Variants in RGS7 observed in about 807,000 individuals in gnomAD.
RGS7 encodes the protein regulator of G-protein signaling 7.
A neutral mutation model predicts 81.1 loss-of-function variants in RGS7; 27 were observed. The ratio of observed to expected loss-of-function variants is 0.33; its 90% CI spans 0.25 to 0.46. RGS7 has a LOEUF of 0.46. RGS7 is among the 20% of genes least tolerant of loss of function. RGS7 has a pLI of 1.00. For synonymous variants in RGS7, 208 were observed against 207.7 expected (o/e 1.00, Z -0.01); for missense variants, 396 against 607.4 (o/e 0.65, Z 3.66).
At chr1:241,107,082 C>T (rs2065171357) in intron 2 of RGS7, among the ~76,000 whole-genome samples, 1 of 152,168 alleles carries the variant, frequency 6.6e-6, no homozygotes, top group Non-Finnish European at 1.5e-5. Flanking sequence ...GGGATGTCTT[C>T]TGGAACTCGA....
At chr1:241,063,597 T>C (rs2061862350) in intron 3 of RGS7, among the ~76,000 whole-genome samples, 1 of 152,200 alleles carries the variant, frequency 6.6e-6, no homozygotes, top group African/African-American at 2.4e-5. Context: ...CATTTAAAAT[T>C]TCCTGCTTTC....
chr1:240,998,630 T>A (rs1687663801), intron 3 of RGS7: 10 of 936,612 alleles, frequency 1.1e-5, no homozygotes, highest in South Asian at 1.0e-4. Context: ...AGGCTCCCCA[T>A]GTTGACTTTG....
intron 6 of RGS7, among the ~76,000 whole-genome samples, chr1:240,892,388 C>A (rs776951718): frequency 6.6e-6 from 1 of 152,114 alleles, no homozygotes; most frequent in Non-Finnish European, 1.5e-5. Context: ...CACTTGACTG[C>A]AATTTCAAGC....
At chr1:240,934,752 G>A (rs1337461702) in intron 5 of RGS7, among the ~76,000 whole-genome samples, 1 of 151,532 alleles carries the variant, frequency 6.6e-6, no homozygotes, top group Non-Finnish European at 1.5e-5. Flanking sequence ...ACAACTCTCT[G>A]TCTATCCCTA....
intron 2 of RGS7, among the ~76,000 whole-genome samples, chr1:241,246,472 G>A (rs2148180257): frequency 6.6e-6 from 1 of 152,244 alleles, no homozygotes; most frequent in East Asian, 1.9e-4. Context: ...TACTGTCTGT[G>A]TTCCAATGGA....
chr1:241,277,632 A>T (rs905558222), intron 2 of RGS7, among the ~76,000 whole-genome samples: 1 of 151,886 alleles, frequency 6.6e-6, no homozygotes, highest in African/African-American at 2.4e-5. Context: ...AAAAAAAAAA[A>T]ATCAAGCATG....
At chr1:241,263,852 G>A (rs189125662) in intron 2 of RGS7, among the ~76,000 whole-genome samples, 3 of 152,268 alleles carry the variant, frequency 2.0e-5, no homozygotes, top group Admixed American at 1.3e-4. Context: ...CAGAAAGAGG[G>A]AACCAGGCCT....
chr1:241,207,975 C>T (rs187495922), intron 2 of RGS7, among the ~76,000 whole-genome samples: 2 of 152,140 alleles, frequency 1.3e-5, no homozygotes, highest in Admixed American at 1.3e-4. Context: ...GTACGATCTC[C>T]GCTCACTGCA....
chr1:241,223,236 C>T (rs935579540), intron 2 of RGS7, among the ~76,000 whole-genome samples: 1 of 152,178 alleles, frequency 6.6e-6, no homozygotes, highest in South Asian at 2.1e-4. Context: ...GTAATGCTGG[C>T]AGCTATAACA....
chr1:240,869,737 C>G (rs1664135121), intron 7 of RGS7, among the ~76,000 whole-genome samples: 2 of 151,910 alleles, frequency 1.3e-5, no homozygotes, highest in Non-Finnish European at 2.9e-5. Flanking sequence ...GTCAGGAGTT[C>G]AAGACCAGCC....
chr1:241,172,833 G>T (rs1377202889), intron 2 of RGS7, among the ~76,000 whole-genome samples: 2 of 152,172 alleles, frequency 1.3e-5, no homozygotes, highest in Non-Finnish European at 2.9e-5. Context: ...ACCAGTAACT[G>T]TGCTATTGTT....
chr1:241,051,556 G>A (rs552133074), intron 3 of RGS7, among the ~76,000 whole-genome samples: 29 of 149,054 alleles, frequency 1.9e-4, no homozygotes, highest in Admixed American at 1.5e-3. Context: ...CTCTCTCCCC[G>A]CACCCCCCAA....
chr1:241,047,096 T>C (rs1436701739), intron 3 of RGS7, among the ~76,000 whole-genome samples: 1 of 152,158 alleles, frequency 6.6e-6, no homozygotes, highest in Non-Finnish European at 1.5e-5. Context: ...AGCCTGTATT[T>C]ATTATCTTAA....
At chr1:241,335,957 T>A (rs2082222038) in intron 2 of RGS7, among the ~76,000 whole-genome samples, 1 of 151,764 alleles carries the variant, frequency 6.6e-6, no homozygotes, top group Admixed American at 6.6e-5. Context: ...AAAGAACTAA[T>A]CAAATATTTT....
intron 2 of RGS7, among the ~76,000 whole-genome samples, chr1:241,324,726 T>C (rs1315952464): frequency 6.6e-6 from 1 of 152,214 alleles, no homozygotes; most frequent in African/African-American, 2.4e-5. Context: ...CTTCCTCATA[T>C]CTATTCATTT....
chr1:240,814,044 G>C (rs1460276519), intron 12 of RGS7, among the ~76,000 whole-genome samples: 1 of 152,180 alleles, frequency 6.6e-6, no homozygotes, highest in Non-Finnish European at 1.5e-5. Context: ...CCAATCTTTG[G>C]TTAATCAGTC....
chr1:240,926,372 T>C (rs977922113), intron 6 of RGS7, among the ~76,000 whole-genome samples: 5 of 152,228 alleles, frequency 3.3e-5, no homozygotes, highest in African/African-American at 1.2e-4. Flanking sequence ...TAGCCAGTTA[T>C]TCCAGAATCA....
At chr1:241,018,670 T>C (rs186097862) in intron 3 of RGS7, among the ~76,000 whole-genome samples, 5 of 152,200 alleles carry the variant, frequency 3.3e-5, no homozygotes, top group Admixed American at 2.6e-4. Context: ...GGGCATTCTA[T>C]AAACTTCTGC....
intron 4 of RGS7, among the ~76,000 whole-genome samples, chr1:240,950,074 G>A (rs1679304013): frequency 6.6e-6 from 1 of 152,112 alleles, no homozygotes; most frequent in Non-Finnish European, 1.5e-5. Flanking sequence ...CTACTTACTT[G>A]GAGCAGAAGC....
Sources: allele counts gnomAD v4.1 joint callset (sites outside exome capture counted in the v4.1 genomes callset), GRCh38; gene constraint gnomAD v4.1.1; transcripts MANE v1.5; gene names NCBI Gene and HGNC (gene_info 2026-07-23, HGNC 2026-07-21).